Variants in PIK3C2B observed in about 807,000 individuals in gnomAD.
The protein encoded by PIK3C2B is phosphatidylinositol-4-phosphate 3-kinase catalytic subunit type 2 beta, also known as phosphatidylinositol 4-phosphate 3-kinase C2 domain-containing subunit beta.
Under a neutral mutation model 184.3 loss-of-function variants are expected in PIK3C2B, and 83 were observed. The observed-to-expected ratio is 0.45, with a 90% CI of 0.38 to 0.54. The LOEUF is 0.54. PIK3C2B is among the 20% of genes least tolerant of loss of function. PIK3C2B has a pLI of 0.00. For missense variants in PIK3C2B, 1,736 were observed against 2,113.5 expected, an observed-to-expected ratio of 0.82 and a Z score of 3.50; for synonymous variants, 779 against 837.6, an observed-to-expected ratio of 0.93 and a Z score of 1.21.
At chr1:204,460,798 G>A (rs1185758313) in intron 5 of PIK3C2B, 137 bp from the exon 6 acceptor site, 1 of 643,282 alleles carries the variant, frequency 1.6e-6, no homozygotes, top group Non-Finnish European at 2.8e-6. Flanking sequence ...ACCCTACTTT[G>A]GCTCCTAGAA....
Position 204,454,752 on chromosome 1 carries a change from G to A in PIK3C2B, c.1983C>T (p.Gly661=), listed in dbSNP as rs376149688. 100 of 1,613,404 alleles carry A rather than the reference G, an allele frequency of 6.2e-5. 1 individual carries two copies. In the African/African-American group the frequency reaches 6.5e-4, roughly 11 times the overall value. ...GCAGGGGGCTGCACAGCTCCTTGCCGCCATGGCTGAGGGAGCAGGAGAGGT... is the reference window on the plus strand; with the variant it reads ...GCAGGGGGCTGCACAGCTCCTTGCCACCATGGCTGAGGGAGCAGGAGAGGT... ...DFYLSCSLSH[G]GKELCSPLQT... is the part of the protein sequence containing the mutation. The change falls in exon 12 of 33, where the codon GGC becomes GGT. Residue 661 remains glycine, a synonymous_variant. Coordinates refer to ENST00000684373, the MANE Select transcript of PIK3C2B (RefSeq NM_001377334.1).
At position 204,433,188 on chromosome 1, in the gene PIK3C2B, G is replaced by A. The variant is rs948451900; in HGVS notation, c.3953+128C>T. ...GGCAAAGTTGGGACAATGTATCCAC[G>A]TGGTCAGCTCTAGGCTCTAGCATCT... On this transcript the variant is annotated intron_variant, in intron 26 of 32. Coordinates refer to ENST00000684373, the MANE Select transcript of PIK3C2B (RefSeq NM_001377334.1). The surrounding 1 kb of genome is among the most constrained non-coding windows in gnomAD (Gnocchi z 5.0). The A allele has an allele frequency of 1.2e-5, 7 of 576,788 alleles. No individual in the cohort carries two copies. Among genetic ancestry groups the A allele is most frequent in the African/African-American group, 7.6e-5 (4 of 52,662 alleles). 35.7% of individuals were successfully genotyped at this position (576,788 alleles called of 1,614,324 possible).
intron 30 of PIK3C2B, 127 bp downstream of exon 30, chr1:204,428,012 C>A: frequency 1.5e-6 from 1 of 659,080 alleles, no homozygotes; most frequent in Non-Finnish European, 2.7e-6. Context: ...CTAGATTTCC[C>A]AGAGAGTAAG....
intron 23 of PIK3C2B, among the ~76,000 whole-genome samples, chr1:204,438,690 CAGG>C (rs1258212525): frequency 6.6e-6 from 1 of 152,172 alleles, no homozygotes; most frequent in African/African-American, 2.4e-5. Flanking sequence ...CTTAATCTGC[CAGG>C]AGAACTCAGT....
chr1:204,464,013 T>C lies in PIK3C2B; in HGVS notation c.1309A>G (p.Asn437Asp), dbSNP rs1190474439. 3 of 1,613,926 alleles carry C rather than the reference T, an allele frequency of 1.9e-6. No homozygotes were observed. Among genetic ancestry groups the C allele is most frequent in the Admixed American group, 1.7e-5 (1 of 60,000 alleles). ...KPCGLEEFLQNKHALGSHEYI... is the reference protein window; with the variant it reads ...KPCGLEEFLQDKHALGSHEYI... ...GCTACCTCCCACCCATTCACTCACT[T>C]CTGCAGGAACTCCTCCAGCCCGCAG... Residue 437 changes from asparagine (N) to aspartate (D), a missense_variant and splice_region_variant, in exon 5 of 33, where the codon AAC (asparagine) becomes GAC (aspartate). Physicochemically the swap from Asn to Asp is conservative, Grantham distance 23. This residue lies in a region of PIK3C2B where 609 missense variants were observed against 699.2 expected (regional missense o/e 0.87). Coordinates refer to ENST00000684373, the MANE Select transcript of PIK3C2B (RefSeq NM_001377334.1).
chr1:204,428,785 T>C, intron 29 of PIK3C2B: 1 of 351,782 alleles, frequency 2.8e-6, no homozygotes, highest in Non-Finnish European at 5.7e-6. Context: ...ACCTGGCATG[T>C]TATTTATTTT....
chr1:204,483,693 A>T (rs186649744), intron 1 of PIK3C2B, among the ~76,000 whole-genome samples: 41 of 152,364 alleles, frequency 2.7e-4, no homozygotes, highest in African/African-American at 9.4e-4. Flanking sequence ...TGCTTTGTAC[A>T]TGCCCTGATG....
intron 1 of PIK3C2B, among the ~76,000 whole-genome samples, chr1:204,479,124 TG>T (rs1195648929): frequency 1.3e-5 from 2 of 152,332 alleles, no homozygotes; most frequent in Non-Finnish European, 1.5e-5. Flanking sequence ...AACCAGAAGC[TG>T]GCAATCAACT....
intron 2 of PIK3C2B, among the ~76,000 whole-genome samples, chr1:204,466,281 G>A (rs1432709701): frequency 6.6e-6 from 1 of 152,220 alleles, no homozygotes; most frequent in Non-Finnish European, 1.5e-5. Context: ...GGTTCCAACA[G>A]CTGTTTCTGG....
intron 23 of PIK3C2B, chr1:204,435,382 A>G (rs971483466): frequency 6.6e-6 from 1 of 152,186 alleles, no homozygotes; most frequent in Non-Finnish European, 1.5e-5. Flanking sequence ...TCCTGCCTTC[A>G]AAATCCTCTT....
Position 204,464,437 on chromosome 1 carries a change from C to G in PIK3C2B, c.1189+13G>C, listed in dbSNP as rs756601020. On this transcript the variant is annotated intron_variant, in intron 4 of 32. Transcript: ENST00000684373. ...AAGGGATGCTCACATCCTCTCCCCC[C>G]TCACTAACTTACAGTTGCAGGTGAA... 2 of 1,610,560 alleles carry G rather than the reference C, an allele frequency of 1.2e-6. No individual in the cohort carries two copies. Among genetic ancestry groups the G allele is most frequent in the Non-Finnish European group, 1.7e-6 (2 of 1,177,674 alleles).
intron 1 of PIK3C2B, among the ~76,000 whole-genome samples, chr1:204,488,703 C>T (rs1223360767): frequency 6.6e-6 from 1 of 152,162 alleles, no homozygotes; most frequent in Admixed American, 6.5e-5. Flanking sequence ...ACACTCCATT[C>T]CCCATCCTGC....
chr1:204,480,403 C>T (rs1355731685), intron 1 of PIK3C2B, among the ~76,000 whole-genome samples: 1 of 152,160 alleles, frequency 6.6e-6, no homozygotes, highest in Non-Finnish European at 1.5e-5. Context: ...GTCTCTCCTA[C>T]TGGAGCTGTT....
intron 10 of PIK3C2B, 129 bp downstream of exon 10, chr1:204,456,902 ACACACC>A (rs71145089): frequency 0.33 from 115,225 of 345,550 alleles, 8,059 homozygotes; most frequent in Non-Finnish European, 0.37. Flanking sequence ...ACACACACAC[ACACACC>A]CACACACACA....
chr1:204,489,827 AC>A, intron 1 of PIK3C2B: 1 of 398,050 alleles, frequency 2.5e-6, no homozygotes, highest in Non-Finnish European at 4.4e-6. Context: ...TGATTCTTCT[AC>A]CTGGCAAGGC....
rs77468870 is a variant in PIK3C2B at position 204,450,942 on chromosome 1, G to A, written c.2067-925C>T. On this transcript the variant is annotated intron_variant, in intron 12 of 32. Transcript: ENST00000684373. The stretch of plus-strand genomic sequence containing the variant: ...CCCAGCAACTTCTATGCCAGAGGGC[G>A]CAGAGGCAGGGCGGCCACCCCCAAG... 6.6e-3 allele frequency among the ~76,000 whole-genome samples: 1,009 copies of A among 152,314 alleles called. 6 individuals are homozygous for A. Among genetic ancestry groups the A allele is most frequent in the Non-Finnish European group, 0.01 (714 of 68,038 alleles).
At chr1:204,492,984 G>A (rs181717534) in intron 1 of PIK3C2B, among the ~76,000 whole-genome samples, 224 of 152,252 alleles carry the variant, frequency 1.5e-3, no homozygotes, top group Non-Finnish European at 6.9e-4. Context: ...ATTTTTCCAT[G>A]GACACAACCT....
chr1:204,424,349 A>C lies in PIK3C2B; in HGVS notation c.*503T>G, dbSNP rs1413900789. 9.9e-6 allele frequency: 2 copies of C among 202,564 alleles called. No individual in the cohort carries two copies. The highest frequency in any genetic ancestry group is 2.4e-5 in the African/African-American group (1 of 42,296). 12.5% of individuals were successfully genotyped at this position (202,564 alleles called of 1,614,324 possible). A position where few individuals can be genotyped will look rare whatever the true frequency, so the allele number is the denominator to read the frequency against. ...ACAACAACAATAACAAAAAAAAAAA[A>C]CCTAGGGAAAAGTCCAATAAGAACC... On this transcript the variant is annotated 3_prime_UTR_variant, in exon 33 of 33. Transcript: ENST00000684373.
At chr1:204,481,586 C>T (rs1657152564) in intron 1 of PIK3C2B, among the ~76,000 whole-genome samples, 1 of 152,104 alleles carries the variant, frequency 6.6e-6, no homozygotes, top group African/African-American at 2.4e-5. Context: ...GCAAAGAAGT[C>T]TGAGAAAAAA....
Sources: gnomAD v4.1 joint callset for allele counts (sites outside exome capture counted in the v4.1 genomes callset) on GRCh38, gnomAD v4.1.1 for gene constraint, gnomAD v4.1.1 regional missense constraint, Gnocchi (gnomAD v3.1) non-coding constraint, MANE v1.5 for transcripts, NCBI Gene and HGNC (gene_info 2026-07-23, HGNC 2026-07-21) for gene names.